WDR4: variants seen among roughly 807,000 people sequenced by gnomAD.
WDR4 encodes WDR4 tRNA N7-guanosine methyltransferase non-catalytic subunit, also known as tRNA (guanine-N(7)-)-methyltransferase non-catalytic subunit WDR4.
WDR4 carries 47 observed loss-of-function variants against 48.6 expected under a neutral mutation model. The ratio of observed to expected loss-of-function variants is 0.97; its 90% confidence interval spans 0.77 to 1.23. WDR4 has a LOEUF of 1.23. Among genes scored for constraint, WDR4 ranks in the 50% most tolerant of loss-of-function variants. WDR4 has a pLI of 0.00. For missense variants in WDR4, 606 were observed against 551.6 expected, an observed-to-expected ratio of 1.10 and a Z score of -0.99; for synonymous variants, 268 against 230.0, an observed-to-expected ratio of 1.17 and a Z score of -1.49.
At chr21:42,857,274 C>T (rs916690052) in intron 6 of WDR4, among the ~76,000 whole-genome samples, 8 of 152,120 alleles carry the variant, frequency 5.3e-5, no homozygotes, top group African/African-American at 1.9e-4. Flanking sequence ...CCCAGAGCCC[C>T]AGGGGACAGA....
At position 42,862,133 on chromosome 21, in the gene WDR4, C is replaced by G; in HGVS notation, c.566+149G>C. 1 of 651,556 alleles carries G rather than the reference C, an allele frequency of 1.5e-6. No homozygotes were observed. The highest frequency in any genetic ancestry group is 2.6e-6 in the Non-Finnish European group (1 of 381,736). 40.4% of individuals were successfully genotyped at this position (651,556 alleles called of 1,614,324 possible). On this transcript the variant is annotated intron_variant, in intron 5 of 10. Transcript: ENST00000398208. The surrounding 1 kb of genome is among the most constrained non-coding windows in gnomAD (Gnocchi z 4.3). ...TTCAGGGCTTCTGCAGGCAGCACCA[C>G]GGCGCCTGCAGTGACCAAACACCAA...
intron 6 of WDR4, among the ~76,000 whole-genome samples, chr21:42,858,761 A>G (rs1365488934): frequency 2.0e-5 from 3 of 152,096 alleles, no homozygotes; most frequent in Non-Finnish European, 4.4e-5. Context: ...TTCTTCTCTC[A>G]GGTCGCGTGG....
At position 42,876,749 on chromosome 21, in the gene WDR4, G is replaced by C; in HGVS notation, c.108C>G (p.Phe36Leu). The C allele has an allele frequency of 6.2e-7, 1 of 1,613,424 alleles. No individual in the cohort carries two copies. Among genetic ancestry groups the C allele is most frequent in the Non-Finnish European group, 8.5e-7 (1 of 1,179,728 alleles). ...SIASSDDDSL[F>L]IYDCSAAEKK... Reference sequence around the variant, plus strand: ...TTTCTGCAGCACTGCAGTCATAGATGAAGAGGCTGTCATCATCACTAAAGA... The same window carrying C: ...TTTCTGCAGCACTGCAGTCATAGATCAAGAGGCTGTCATCATCACTAAAGA... The change falls in exon 2 of 11, where the codon TTC becomes TTG. Residue 36 changes from phenylalanine (F) to leucine (L), a missense_variant. Coordinates refer to ENST00000398208, the MANE Select transcript of WDR4 (RefSeq NM_018669.6).
chr21:42,857,650 G>A (rs1193285626), intron 6 of WDR4, among the ~76,000 whole-genome samples: 1 of 152,192 alleles, frequency 6.6e-6, no homozygotes, highest in Non-Finnish European at 1.5e-5. Flanking sequence ...AAAAAAGAAC[G>A]TGCCGAGGGC....
At chr21:42,843,235 T>C (rs182770389) in exon 12 of WDR4, 1 of 152,106 alleles carries the variant, frequency 6.6e-6, no homozygotes, top group Non-Finnish European at 1.5e-5. Context: ...CGCACGCAAG[T>C]GGTCCACGGA....
chr21:42,872,124 A>G (rs2058381953), intron 3 of WDR4, among the ~76,000 whole-genome samples: 1 of 151,974 alleles, frequency 6.6e-6, no homozygotes, highest in Non-Finnish European at 1.5e-5. Flanking sequence ...AGCTGGAACT[A>G]CAGGCACGCA....
intron 8 of WDR4, 31 bp from the exon 9 acceptor site, chr21:42,853,783 A>C (rs1434095038): frequency 6.5e-7 from 1 of 1,536,474 alleles, no homozygotes; most frequent in African/African-American, 1.4e-5. Context: ...CATGATTACT[A>C]GGACTGCAGG....
In WDR4 at chr21:42,857,681, A is replaced by G. The variant is rs117458084; in HGVS notation, c.628-1901T>C. On this transcript the variant is annotated intron_variant, in intron 6 of 10. Coordinates refer to ENST00000398208, the MANE Select transcript of WDR4 (RefSeq NM_018669.6). ...AGGGCAAGAAAGAACTAAAGATTCA[A>G]AATAATCCTAATAAAACTCAAGTCT... Among the ~76,000 whole-genome samples, 103 of 152,334 alleles carry G rather than the reference A, an allele frequency of 6.8e-4. 1 individual carries two copies. The East Asian group carries it at 0.015, about 22-fold the overall frequency.
At chr21:42,868,440 G>A (rs776436369) in intron 3 of WDR4, among the ~76,000 whole-genome samples, 2 of 152,168 alleles carry the variant, frequency 1.3e-5, no homozygotes, top group Non-Finnish European at 2.9e-5. Context: ...TTCAAGACAC[G>A]AGTGAGCTCC....
chr21:42,892,976 G>A, the WDR4 span, among the ~76,000 whole-genome samples: 2 of 152,388 alleles, frequency 1.3e-5, no homozygotes, highest in Non-Finnish European at 2.9e-5. Context: ...AAAGAAGTGC[G>A]AAGCGTTCGG....
intron 1 of WDR4, 94 bp from the exon 2 acceptor site, chr21:42,876,861 C>A: frequency 1.7e-6 from 2 of 1,170,266 alleles, no homozygotes; most frequent in Non-Finnish European, 1.2e-6. Context: ...TCTCGTTGTC[C>A]AGGCTCCAGT....
chr21:42,882,573 A>G (rs1292230705), upstream of WDR4, among the ~76,000 whole-genome samples: 3 of 134,952 alleles, frequency 2.2e-5, no homozygotes, highest in African/African-American at 7.5e-5. Context: ...AGAAAAAAGA[A>G]AAAAAAAACT....
At chr21:42,845,570 G>A (rs905195846), downstream of WDR4, among the ~76,000 whole-genome samples, 8 of 152,208 alleles carry the variant, frequency 5.3e-5, no homozygotes, top group Admixed American at 2.0e-4. Context: ...TGGCCTCAGA[G>A]AACAGGATCA....
At chr21:42,846,706 G>A (rs557748091), downstream of WDR4, among the ~76,000 whole-genome samples, 6 of 152,124 alleles carry the variant, frequency 3.9e-5, no homozygotes, top group East Asian at 1.9e-4. Flanking sequence ...GAGTGAGACC[G>A]TCTGGAAGAA....
chr21:42,861,887 G>A (rs2058124835), intron 5 of WDR4, among the ~76,000 whole-genome samples: 1 of 152,148 alleles, frequency 6.6e-6, no homozygotes, highest in African/African-American at 2.4e-5. Flanking sequence ...GCCGCCACCT[G>A]GCTGCAGAGG....
chr21:42,848,731 A>G (rs62650039), downstream of WDR4, among the ~76,000 whole-genome samples: 59 of 32,734 alleles, frequency 1.8e-3, 6 homozygotes, highest in East Asian at 6.5e-3. Flanking sequence ...GCACGATCAC[A>G]CGGCGCGCAC....
intron 2 of WDR4, among the ~76,000 whole-genome samples, chr21:42,875,433 T>C (rs575306909): frequency 6.6e-6 from 1 of 152,152 alleles, no homozygotes; most frequent in Non-Finnish European, 1.5e-5. Context: ...TGCGTGCCTG[T>C]AGTCCCAGCT....
At chr21:42,859,276 A>C (rs1455412931) in intron 6 of WDR4, among the ~76,000 whole-genome samples, 4 of 152,050 alleles carry the variant, frequency 2.6e-5, no homozygotes, top group African/African-American at 9.7e-5. Flanking sequence ...AAAAAAGGAA[A>C]GAAAAGGAAA....
intron 2 of WDR4, among the ~76,000 whole-genome samples, chr21:42,875,335 A>C (rs1021351507): frequency 4.6e-5 from 7 of 152,134 alleles, no homozygotes; most frequent in Non-Finnish European, 8.8e-5. Context: ...GTGGATCACG[A>C]GGTCAGGAGA....
Sources: allele counts gnomAD v4.1 joint callset (sites outside exome capture counted in the v4.1 genomes callset), GRCh38; gene constraint gnomAD v4.1.1; non-coding constraint Gnocchi (gnomAD v3.1); transcripts MANE v1.5; gene names NCBI Gene and HGNC (gene_info 2026-07-23, HGNC 2026-07-21).